ZNF664: variants seen among roughly 807,000 people sequenced by gnomAD.
The protein encoded by ZNF664 is zinc finger protein 664.
In ZNF664, 10 loss-of-function variants were observed where a neutral mutation model predicts 18.2. That is an observed-to-expected ratio of 0.55 (90% CI 0.34 to 0.93). The LOEUF is 0.93. ZNF664 is among the 40% of genes least tolerant of loss of function. The pLI is 0.02. For synonymous variants in ZNF664, 119 were observed against 104.2 expected (o/e 1.14, Z -0.86); for missense variants, 193 against 319.0 (o/e 0.61, Z 3.01).
At chr12:123,992,942 A>G (rs542321285) in intron 3 of ZNF664, among the ~76,000 whole-genome samples, 53 of 152,272 alleles carry the variant, frequency 3.5e-4, no homozygotes, top group Non-Finnish European at 6.2e-4. Flanking sequence ...TCCAACCTCT[A>G]GTAACTGAAC....
chr12:124,012,079 C>T lies in ZNF664; in HGVS notation c.-66C>T, dbSNP rs1025920946. ...CCAAATAAGAGACTCTATGAAATAACAGTCTTGTAACTGTAGTAATCATAA... is the reference window on the plus strand; with the variant it reads ...CCAAATAAGAGACTCTATGAAATAATAGTCTTGTAACTGTAGTAATCATAA... On this transcript the variant is annotated 5_prime_UTR_variant, in exon 5 of 5. Transcript: ENST00000337815. 7.2e-6 allele frequency: 11 copies of T among 1,525,862 alleles called. No homozygotes were observed. The African/African-American group carries it at 1.1e-4, about 15-fold the overall frequency. 94.5% of individuals were successfully genotyped at this position (1,525,862 alleles called of 1,614,324 possible).
chr12:124,012,248 A>G lies in ZNF664; in HGVS notation c.104A>G (p.Lys35Arg), dbSNP rs1415465522. The G allele has an allele frequency of 6.2e-7, 1 of 1,614,110 alleles. No homozygotes were observed. The highest frequency in any genetic ancestry group is 8.5e-7 in the Non-Finnish European group (1 of 1,180,044). ...HTAEKPHKCD[K>R]CDKGFFHISE... ...GCTGAGAAGCCCCATAAATGTGACA[A>G]GTGTGATAAGGGTTTCTTTCATATA... is the stretch of plus-strand genomic sequence containing the variant. The change falls in exon 5 of 5, where the codon AAG becomes AGG. Residue 35 changes from lysine (K) to arginine (R), a missense_variant. By Grantham distance (26) the Lys-to-Arg change is conservative. Coordinates refer to ENST00000337815, the MANE Select transcript of ZNF664 (RefSeq NM_152437.3).
chr12:123,975,778 A>G (rs1956683412), intron 2 of ZNF664, among the ~76,000 whole-genome samples: 1 of 152,220 alleles, frequency 6.6e-6, no homozygotes, highest in South Asian at 2.1e-4. Context: ...GAATAAACAT[A>G]TTAGCAAACT....
chr12:124,010,521 G>A (rs185284384), intron 3 of ZNF664, among the ~76,000 whole-genome samples: 2 of 152,288 alleles, frequency 1.3e-5, no homozygotes, highest in African/African-American at 4.8e-5. Flanking sequence ...ATCAAAGACT[G>A]GAAATAAGGC....
chr12:124,012,310 G>A lies in ZNF664; in HGVS notation c.166G>A (p.Glu56Lys). Residue 56 changes from glutamate (E) to lysine (K), a missense_variant, in exon 5 of 5, where the codon GAG becomes AAG. Glu to Lys is a moderately conservative substitution (Grantham distance 56, BLOSUM62 1). Around this residue, in one of 3 missense-constraint regions of ZNF664, gnomAD observed 90 missense variants for 118.9 expected, o/e 0.76. Coordinates refer to ENST00000337815, the MANE Select transcript of ZNF664 (RefSeq NM_152437.3). ...TATTCATTGGAGAGACCATACAGGAGAGAAGGTCTATAAATGTGATGATTG... is the reference window on the plus strand; with the variant it reads ...TATTCATTGGAGAGACCATACAGGAAAGAAGGTCTATAAATGTGATGATTG... The part of the protein sequence containing the change: ...LHIHWRDHTG[E>K]KVYKCDDCGK... 6.2e-7 allele frequency: 1 copy of A among 1,614,214 alleles called. No individual in the cohort carries two copies. The highest frequency in any genetic ancestry group is 8.5e-7 in the Non-Finnish European group (1 of 1,180,030).
At chr12:123,996,992 A>G (rs1240635380) in intron 3 of ZNF664, among the ~76,000 whole-genome samples, 4 of 152,350 alleles carry the variant, frequency 2.6e-5, no homozygotes, top group East Asian at 1.9e-4. Flanking sequence ...GACTGTAGAT[A>G]CTGTTTGTGG....
chr12:123,993,354 A>G (rs1956910344), intron 3 of ZNF664, among the ~76,000 whole-genome samples: 1 of 152,178 alleles, frequency 6.6e-6, no homozygotes, highest in Non-Finnish European at 1.5e-5. Context: ...TTTCAGAACT[A>G]TTGATGATGG....
chr12:123,986,162 C>T (rs544224828), intron 2 of ZNF664, among the ~76,000 whole-genome samples: 2 of 152,206 alleles, frequency 1.3e-5, no homozygotes, highest in East Asian at 1.9e-4. Flanking sequence ...GTTTGTGGCA[C>T]TGAGGCACCT....
At chr12:124,010,064 G>A (rs890334439) in intron 3 of ZNF664, among the ~76,000 whole-genome samples, 2 of 152,004 alleles carry the variant, frequency 1.3e-5, no homozygotes, top group South Asian at 2.1e-4. Context: ...GTGAATAACC[G>A]GGTATATCAG....
In ZNF664 at chr12:124,014,873, C is replaced by G. The variant is rs1024357793; in HGVS notation, c.*1943C>G. The G allele has an allele frequency of 6.0e-6, 1 of 166,814 alleles. No individual in the cohort carries two copies. Among genetic ancestry groups the G allele is most frequent in the Non-Finnish European group, 1.5e-5 (1 of 68,124 alleles). The allele number at this position is 166,814 out of a possible 1,614,324, so 10.3% of individuals were successfully genotyped here. On this transcript the variant is annotated 3_prime_UTR_variant, in exon 5 of 5. Transcript: ENST00000337815. ...AATTTGTCAATATCTGGATTTTAAT[C>G]CAGACATCTCTGCTAACAAGCCTTT... is the stretch of plus-strand genomic sequence containing the variant.
chr12:123,990,335 A>C (rs770777338), intron 3 of ZNF664, among the ~76,000 whole-genome samples: 1 of 152,246 alleles, frequency 6.6e-6, no homozygotes, highest in African/African-American at 2.4e-5. Context: ...TCACAAATCC[A>C]TAACTTTTGA....
intron 3 of ZNF664, among the ~76,000 whole-genome samples, chr12:123,994,429 T>A (rs1484855524): frequency 1.3e-5 from 2 of 152,224 alleles, no homozygotes; most frequent in Non-Finnish European, 2.9e-5. Flanking sequence ...CTAACATAAA[T>A]GACATTTTTA....
chr12:123,992,015 G>C (rs919925494), intron 3 of ZNF664, among the ~76,000 whole-genome samples: 1 of 152,176 alleles, frequency 6.6e-6, no homozygotes, highest in Non-Finnish European at 1.5e-5. Flanking sequence ...ATGCAAAGAC[G>C]AATTTCCGCA....
chr12:123,980,531 G>A (rs112253498), intron 2 of ZNF664, among the ~76,000 whole-genome samples: 2,018 of 152,112 alleles, frequency 0.013, 20 homozygotes, highest in Middle Eastern at 0.027. Flanking sequence ...TATATTTATG[G>A]GCACAGTTTG....
chr12:123,999,398 A>G (rs906155996), intron 3 of ZNF664, among the ~76,000 whole-genome samples: 3 of 152,352 alleles, frequency 2.0e-5, no homozygotes, highest in South Asian at 4.1e-4. Context: ...AGAGTCTGCT[A>G]TTGAAGAGGG....
At position 124,012,406 on chromosome 12, in the gene ZNF664, A is replaced by G. The variant is rs1225134697; in HGVS notation, c.262A>G (p.Lys88Glu). Residue 88 changes from lysine (K) to glutamate (E), a missense_variant, in exon 5 of 5, where the codon AAA becomes GAA. Physicochemically the swap from Lys to Glu is moderately conservative, Grantham distance 56. Around this residue, in one of 3 missense-constraint regions of ZNF664, gnomAD observed 90 missense variants for 118.9 expected, o/e 0.76. Transcript: ENST00000337815. ...AATCCACACAGTGGAGAAGCCCTATAAATGTTACGAGTGTGGCAAAGCCTT... is the reference window on the plus strand; with the variant it reads ...AATCCACACAGTGGAGAAGCCCTATGAATGTTACGAGTGTGGCAAAGCCTT... ...KKIHTVEKPY[K>E]CYECGKAFNW... 1 of 1,614,260 alleles carries G rather than the reference A, an allele frequency of 6.2e-7. No individual in the cohort carries two copies. Among genetic ancestry groups the G allele is most frequent in the Non-Finnish European group, 8.5e-7 (1 of 1,180,046 alleles).
chr12:123,990,219 A>G (rs981986228), intron 3 of ZNF664, among the ~76,000 whole-genome samples: 2 of 152,232 alleles, frequency 1.3e-5, no homozygotes. Flanking sequence ...AACAGTGTGT[A>G]TATATGTAAC....
intron 3 of ZNF664, among the ~76,000 whole-genome samples, chr12:123,996,496 C>T (rs1484906936): frequency 1.3e-5 from 2 of 152,134 alleles, no homozygotes; most frequent in Non-Finnish European, 2.9e-5. Context: ...TCAAATTTAG[C>T]TGTGTCTGTT....
intron 3 of ZNF664, among the ~76,000 whole-genome samples, chr12:123,998,203 G>A (rs1485815512): frequency 6.6e-6 from 1 of 152,096 alleles, no homozygotes; most frequent in East Asian, 1.9e-4. Flanking sequence ...TTATGGATCA[G>A]GTCCTTCCCA....
Sources: gnomAD v4.1 joint callset for allele counts (sites outside exome capture counted in the v4.1 genomes callset) on GRCh38, gnomAD v4.1.1 for gene constraint, gnomAD v4.1.1 regional missense constraint, MANE v1.5 for transcripts, NCBI Gene and HGNC (gene_info 2026-07-23, HGNC 2026-07-21) for gene names.